The following TOX2 variants were observed in gnomAD, a reference collection of about 807,000 sequenced individuals.
TOX2 encodes granulosa cell HMG box 1.
In TOX2, 15 loss-of-function variants were observed where a neutral mutation model predicts 47.4. The ratio of observed to expected loss-of-function variants is 0.32; its 90% CI spans 0.21 to 0.49. The LOEUF is 0.49. Among genes scored for constraint, TOX2 ranks in the 20% least tolerant of loss-of-function variants. The pLI is 0.99. For synonymous variants in TOX2, 290 were observed against 296.6 expected (o/e 0.98, Z 0.23); for missense variants, 622 against 673.1 (o/e 0.92, Z 0.84).
rs1162119194 is a variant in TOX2, at chr20:44,068,676, A to G, written c.1511A>G (p.Tyr504Cys). 3 of 1,613,614 alleles carry G rather than the reference A, an allele frequency of 1.9e-6. No homozygotes were observed. Among genetic ancestry groups the G allele is most frequent in the African/African-American group, 2.7e-5 (2 of 74,808 alleles). The change falls in exon 9 of 9, where the codon TAC becomes TGC. Residue 504 changes from tyrosine to cysteine, a missense_variant. Tyr to Cys is a radical substitution (Grantham distance 194). Around this residue, in one of 3 missense-constraint regions of TOX2, gnomAD observed 294 missense variants for 300.0 expected, o/e 0.98. Transcript: ENST00000341197. ...CTGCTCCCCAGGGACAAATCGCTCT[A>G]CCTCACCTAATCCCGCCTCCCTACC... The part of the protein sequence containing the change: ...CSLLPRDKSL[Y>C]LT
chr20:43,946,195 C>A (rs1292999649), intron 1 of TOX2, among the ~76,000 whole-genome samples: 1 of 152,236 alleles, frequency 6.6e-6, no homozygotes, highest in East Asian at 1.9e-4. Context: ...AGGAGGCCTG[C>A]AGTTGGCAGC....
intron 1 of TOX2, among the ~76,000 whole-genome samples, chr20:43,971,757 A>G (rs912222130): frequency 6.6e-6 from 1 of 152,264 alleles, no homozygotes; most frequent in African/African-American, 2.4e-5. Flanking sequence ...AATACTGGGT[A>G]CAGAAAAAAG....
chr20:43,930,149 T>C (rs2069234590), intron 1 of TOX2, among the ~76,000 whole-genome samples: 1 of 152,232 alleles, frequency 6.6e-6, no homozygotes, highest in Non-Finnish European at 1.5e-5. Context: ...TGACCTATAG[T>C]AGGTGCTCAG....
In TOX2 at chr20:44,053,447, C is replaced by T. The variant is rs538225572; in HGVS notation, c.652-852C>T. ...GTGGGAGGGCAGATATATACACACA[C>T]ACACACACACACACACACACACACA... On this transcript the variant is annotated intron_variant, in intron 4 of 8. Coordinates refer to ENST00000341197, the MANE Select transcript of TOX2 (RefSeq NM_001098797.2). 4.4e-3 allele frequency among the ~76,000 whole-genome samples: 617 copies of T among 138,910 alleles called. 9 individuals are homozygous for T. The highest frequency in any genetic ancestry group is 0.01 in the African/African-American group (336 of 32,364). The allele number at this position is 138,910 out of a possible 152,430, so 91.1% of individuals were successfully genotyped here. A position where few individuals can be genotyped will look rare whatever the true frequency, so the allele number is the denominator to read the frequency against.
At chr20:44,038,992 G>A (rs1010089104) in intron 3 of TOX2, 187 of 1,198,348 alleles carry the variant, frequency 1.6e-4, no homozygotes, top group Non-Finnish European at 2.0e-4. Context: ...TGGCTCGGGA[G>A]CGTGGCCATA....
intron 4 of TOX2, among the ~76,000 whole-genome samples, chr20:44,053,274 ACG>A: frequency 6.6e-6 from 1 of 152,144 alleles, no homozygotes; most frequent in Non-Finnish European, 1.5e-5. Flanking sequence ...TCCAGGGCTG[ACG>A]CAGTAACAGT....
At chr20:43,976,797 CACACACAT>C (rs925774189) in intron 2 of TOX2, among the ~76,000 whole-genome samples, 1 of 151,996 alleles carries the variant, frequency 6.6e-6, no homozygotes, top group South Asian at 2.1e-4. Flanking sequence ...CACACACACA[CACACACAT>C]ACACACATAC....
intron 1 of TOX2, among the ~76,000 whole-genome samples, chr20:43,968,800 G>C (rs1204469602): frequency 6.6e-6 from 1 of 152,186 alleles, no homozygotes; most frequent in East Asian, 1.9e-4. Flanking sequence ...CCAGTCACTG[G>C]TAAGAGGATG....
chr20:44,028,769 G>A (rs961429912), intron 3 of TOX2, among the ~76,000 whole-genome samples: 3 of 152,184 alleles, frequency 2.0e-5, no homozygotes, highest in African/African-American at 7.2e-5. Flanking sequence ...GACCCCTTTT[G>A]AAATAGAAAC....
At chr20:43,927,915 A>G (rs535902363) in intron 1 of TOX2, among the ~76,000 whole-genome samples, 1 of 152,090 alleles carries the variant, frequency 6.6e-6, no homozygotes, top group South Asian at 2.1e-4. Context: ...GAGAAGCATG[A>G]TCTTATTAGA....
chr20:43,931,213 A>C (rs1282235047), intron 1 of TOX2, among the ~76,000 whole-genome samples: 1 of 152,152 alleles, frequency 6.6e-6, no homozygotes, highest in African/African-American at 2.4e-5. Flanking sequence ...AACATGGCTT[A>C]CTGCAGCCTC....
intron 3 of TOX2, among the ~76,000 whole-genome samples, chr20:44,013,657 G>A (rs1290084376): frequency 6.6e-6 from 1 of 152,140 alleles, no homozygotes; most frequent in Non-Finnish European, 1.5e-5. Context: ...TCATTATTTG[G>A]CAGGTCAGCG....
intron 1 of TOX2, among the ~76,000 whole-genome samples, chr20:43,957,769 A>G (rs1055708653): frequency 5.3e-5 from 8 of 152,140 alleles, no homozygotes. Flanking sequence ...TGTGAGCTGT[A>G]CAAGCTTCTG....
intron 1 of TOX2, among the ~76,000 whole-genome samples, chr20:43,919,556 T>C (rs1261825091): frequency 6.6e-5 from 10 of 152,146 alleles, no homozygotes; most frequent in Admixed American, 6.5e-4. Flanking sequence ...GCAGGATGTG[T>C]ATATTTGTTA....
At position 44,003,310 on chromosome 20, in the gene TOX2, G is replaced by A. The variant is rs375457785; in HGVS notation, c.166-3237G>A. 2.9e-4 allele frequency among the ~76,000 whole-genome samples: 43 copies of A among 150,444 alleles called. No homozygotes were observed. The East Asian group carries it at 6.5e-3, about 23-fold the overall frequency. ...CAAATGATCCTCCACCTCAGCCCCC[G>A]AAGTAGCTGGGACTACAGGTGCATG... On this transcript the variant is annotated intron_variant, in intron 2 of 8. Transcript: ENST00000341197.
intron 1 of TOX2, among the ~76,000 whole-genome samples, chr20:43,919,276 C>T (rs180858506): frequency 6.6e-6 from 1 of 152,288 alleles, no homozygotes; most frequent in East Asian, 1.9e-4. Flanking sequence ...CAAATCACTG[C>T]CCTCTGGAGC....
chr20:44,013,264 T>A (rs1346641941), intron 3 of TOX2, among the ~76,000 whole-genome samples: 2 of 152,164 alleles, frequency 1.3e-5, no homozygotes, highest in East Asian at 3.8e-4. Flanking sequence ...GTGCTTGATA[T>A]ACCTCCTAAC....
chr20:43,917,061 C>G (rs866068562), intron 1 of TOX2, among the ~76,000 whole-genome samples: 80 of 151,548 alleles, frequency 5.3e-4, no homozygotes, highest in African/African-American at 1.7e-3. Flanking sequence ...TGGGGCGGGG[C>G]AGGGATGGGG....
intron 3 of TOX2, among the ~76,000 whole-genome samples, chr20:44,031,028 G>A (rs2071142024): frequency 6.6e-6 from 1 of 152,170 alleles, no homozygotes. Flanking sequence ...CATTTTGATG[G>A]AAGTGGGTGT....
Sources: allele counts gnomAD v4.1 joint callset (sites outside exome capture counted in the v4.1 genomes callset), GRCh38; gene constraint gnomAD v4.1.1; regional missense constraint gnomAD v4.1.1; transcripts MANE v1.5; gene names NCBI Gene and HGNC (gene_info 2026-07-23, HGNC 2026-07-21).